Variants in POGZ observed in about 807,000 individuals in gnomAD.
POGZ encodes pogo transposable element derived with ZNF domain.
Under a neutral mutation model 134.6 loss-of-function variants are expected in POGZ, and 17 were observed. The ratio of observed to expected loss-of-function variants is 0.13; its 90% confidence interval spans 0.09 to 0.19. POGZ has a LOEUF of 0.19. Among genes scored for constraint, POGZ ranks in the 10% least tolerant of loss-of-function variants. The probability of loss-of-function intolerance (pLI) is 1.00; values close to 1 mark genes in which losing one functional copy is unlikely to be tolerated. For synonymous variants in POGZ, 693 were observed against 657.1 expected, an observed-to-expected ratio of 1.05 and a Z score of -0.84; for missense variants, 1,306 against 1,769.7, an observed-to-expected ratio of 0.74 and a Z score of 4.70.
intron 17 of POGZ, 83 bp downstream of exon 17, chr1:151,406,828 T>C (rs909249074): frequency 9.3e-7 from 1 of 1,080,496 alleles, no homozygotes; most frequent in Admixed American, 1.9e-5. Flanking sequence ...TGAGGCCAAG[T>C]AGGTATGCTC....
chr1:151,433,425 C>T lies in POGZ; in HGVS notation c.284-2584G>A, dbSNP rs569304847. Reference sequence around the variant, plus strand: ...GAGTTTGAGACCAGCCTGACCAACACGGAGAAATCCCGTCTCTACTAAAAA... The same window carrying T: ...GAGTTTGAGACCAGCCTGACCAACATGGAGAAATCCCGTCTCTACTAAAAA... On this transcript the variant is annotated intron_variant, in intron 3 of 18. Coordinates refer to ENST00000271715, the MANE Select transcript of POGZ (RefSeq NM_015100.4). Among the ~76,000 whole-genome samples, 43 of 151,714 alleles carry T rather than the reference C, an allele frequency of 2.8e-4. No individual in the cohort carries two copies. The South Asian group carries it at 6.7e-3, about 23-fold the overall frequency.
chr1:151,430,752 C>G lies in POGZ; in HGVS notation c.373G>C (p.Val125Leu). Residue 125 changes from valine to leucine, a missense_variant, in exon 4 of 19, where the codon GTA (valine) becomes CTA (leucine). Val to Leu is a conservative substitution (Grantham distance 32). Transcript: ENST00000271715. ...PGLGTMVTQP[V>L]LRPVQVMQNA... ...TGCATGACCTGAACAGGCCTCAATACTGGTTGAGTAACCATTGTGCCCAGA... is the reference window on the plus strand; with the variant it reads ...TGCATGACCTGAACAGGCCTCAATAGTGGTTGAGTAACCATTGTGCCCAGA... The G allele has an allele frequency of 6.2e-7, 1 of 1,605,986 alleles. No individual in the cohort carries two copies.
At chr1:151,407,963 G>GATCAT (rs1400872695) in intron 15 of POGZ, 137 bp downstream of exon 15, 1 of 633,072 alleles carries the variant, frequency 1.6e-6, no homozygotes, top group Non-Finnish European at 2.6e-6. Flanking sequence ...AGTGAGCCAA[G>GATCAT]ATCATGCTAT....
intron 10 of POGZ, among the ~76,000 whole-genome samples, chr1:151,419,003 T>C (rs1390242604): frequency 9.4e-6 from 1 of 106,922 alleles, no homozygotes; most frequent in Non-Finnish European, 1.7e-5. Flanking sequence ...CCAGCATGGG[T>C]GAAAGAATGA....
Position 151,407,314 on chromosome 1 carries a change from A to G in POGZ, c.2376-23T>C, listed in dbSNP as rs181897079. 1.1e-4 allele frequency: 167 copies of G among 1,574,366 alleles called. 1 individual carries two copies. The African/African-American group carries it at 2.1e-3, about 20-fold the overall frequency. On this transcript the variant is annotated intron_variant, in intron 15 of 18. Coordinates refer to ENST00000271715, the MANE Select transcript of POGZ (RefSeq NM_015100.4). ...TTGCTGAGAAAGACAAAGAAGTGGT[A>G]TGAGTTACGGAGTTCTGCTGGCTAA...
intron 3 of POGZ, among the ~76,000 whole-genome samples, chr1:151,431,703 T>C (rs924332356): frequency 2.0e-5 from 3 of 152,226 alleles, no homozygotes; most frequent in Admixed American, 6.5e-5. Flanking sequence ...ATTAATAAAC[T>C]GGGCTATTAT....
intron 1 of POGZ, among the ~76,000 whole-genome samples, chr1:151,445,009 C>T (rs1311527742): frequency 6.6e-6 from 1 of 152,014 alleles, no homozygotes; most frequent in Admixed American, 6.6e-5. Context: ...TGCCACTGCA[C>T]TCCAGCCTGA....
chr1:151,443,028 A>C (rs1035852340), intron 1 of POGZ, among the ~76,000 whole-genome samples: 24 of 152,074 alleles, frequency 1.6e-4, no homozygotes, highest in African/African-American at 5.6e-4. Context: ...TCCGTCTCAA[A>C]AACAACAACA....
rs199704112 is a variant in POGZ, at chr1:151,424,243, G to A, written c.1229C>T (p.Ser410Phe). Residue 410 changes from serine to phenylalanine, a missense_variant, in exon 9 of 19, where the codon TCC becomes TTC. Physicochemically the swap from Ser to Phe is radical, Grantham distance 155 (BLOSUM62 -2). Around this residue, in one of 10 missense-constraint regions of POGZ, gnomAD observed 541 missense variants for 680.5 expected, o/e 0.80. Transcript: ENST00000271715. ...TGGGACACTGGGTTCTGAATCCAGGGACTTTCCTTTCTTCTGGTATTCAAC... is the reference window on the plus strand; with the variant it reads ...TGGGACACTGGGTTCTGAATCCAGGAACTTTCCTTTCTTCTGGTATTCAAC... Reference protein sequence around the residue: ...EMVEYQKKGKSLDSEPSVPSA... With the variant: ...EMVEYQKKGKFLDSEPSVPSA... 1.9e-6 allele frequency: 3 copies of A among 1,609,234 alleles called. No individual in the cohort carries two copies. Among genetic ancestry groups the A allele is most frequent in the Non-Finnish European group, 2.5e-6 (3 of 1,177,700 alleles).
chr1:151,456,278 C>T (rs1346022522), intron 1 of POGZ, among the ~76,000 whole-genome samples: 2 of 152,110 alleles, frequency 1.3e-5, no homozygotes, highest in Non-Finnish European at 2.9e-5. Context: ...AGTCCTTAAC[C>T]ACTGATATCA....
At chr1:151,417,313 C>G (rs1200636253) in intron 10 of POGZ, among the ~76,000 whole-genome samples, 1 of 150,698 alleles carries the variant, frequency 6.6e-6, no homozygotes, top group Non-Finnish European at 1.5e-5. Flanking sequence ...CCACCCGCCT[C>G]GGCCTCCCAA....
In POGZ at chr1:151,418,400, GGAGA is replaced by G. The variant is rs567179112; in HGVS notation, c.1678+4993_1678+4996del. ...AGCTAAAAAAAAAAGTAGATCTCATGGAGAGAGAGTAGAATGGTGGTTACCAGAG... is the reference window on the plus strand; with the variant it reads ...AGCTAAAAAAAAAAGTAGATCTCATGGAGAGTAGAATGGTGGTTACCAGAG... On this transcript the variant is annotated intron_variant, in intron 10 of 18. Coordinates refer to ENST00000271715, the MANE Select transcript of POGZ (RefSeq NM_015100.4). Among the ~76,000 whole-genome samples the G allele has an allele frequency of 1.5e-4, 23 of 152,202 alleles. No individual in the cohort carries two copies. The South Asian group carries it at 4.4e-3, about 29-fold the overall frequency.
At chr1:151,412,225 T>C in intron 11 of POGZ, 71 bp downstream of exon 11, 1 of 791,890 alleles carries the variant, frequency 1.3e-6, no homozygotes. Flanking sequence ...GTCAACAATA[T>C]TCATTAGTAA....
intron 3 of POGZ, among the ~76,000 whole-genome samples, chr1:151,437,039 C>T (rs1659700953): frequency 6.6e-6 from 1 of 152,032 alleles, no homozygotes. Flanking sequence ...GCTAAAAATA[C>T]AAAAGTTAGC....
At position 151,404,930 on chromosome 1, in the gene POGZ, G is replaced by C; in HGVS notation, c.4105C>G (p.Pro1369Ala). The C allele has an allele frequency of 6.2e-7, 1 of 1,614,210 alleles. No individual in the cohort carries two copies. Among genetic ancestry groups the C allele is most frequent in the South Asian group, 1.1e-5 (1 of 91,084 alleles). The change falls in exon 19 of 19, where the codon CCA becomes GCA. Residue 1369 changes from proline to alanine, a missense_variant. Transcript: ENST00000271715. ...LSGEHSESST[P>A]RPRSSPEETI... ...TCTTCAGGAGATGATCTGGGTCGTG[G>C]AGTGGAAGACTCAGAATGTTCCCCA...
Position 151,424,139 on chromosome 1 carries a change from A to G in POGZ, c.1333T>C (p.Ser445Pro). The change falls in exon 9 of 19, where the codon TCA (serine) becomes CCA (proline). Residue 445 changes from serine (S) to proline (P), a missense_variant. Physicochemically the swap from Ser to Pro is moderately conservative, Grantham distance 74. This residue lies in a region of POGZ where 541 missense variants were observed against 680.5 expected (regional missense o/e 0.80). Transcript: ENST00000271715. ...GGTTCTGGTACTTTGGTAGGCGGTGACAGAGCAGGAATAGGTGTAGAAGAG... is the reference window on the plus strand; with the variant it reads ...GGTTCTGGTACTTTGGTAGGCGGTGGCAGAGCAGGAATAGGTGTAGAAGAG... The part of the protein sequence containing the change: ...TPSSTPIPAL[S>P]PPTKVPEPNE... The G allele has an allele frequency of 1.2e-6, 2 of 1,614,158 alleles. No individual in the cohort carries two copies. Among genetic ancestry groups the G allele is most frequent in the South Asian group, 1.1e-5 (1 of 91,082 alleles).
chr1:151,459,183 C>G lies in POGZ; in HGVS notation c.-33G>C, dbSNP rs1663213592. On this transcript the variant is annotated 5_prime_UTR_variant, in exon 1 of 19. Transcript: ENST00000271715. ...TGGTCGTCGCCGCCGGTAGTCTGAC[C>G]CGAGGAAGGCGCCGTCGCCTTAAAG... 1 of 151,588 alleles carries G rather than the reference C, an allele frequency of 6.6e-6. No individual in the cohort carries two copies. Among genetic ancestry groups the G allele is most frequent in the Non-Finnish European group, 1.5e-5 (1 of 67,768 alleles). 9.4% of individuals were successfully genotyped at this position (151,588 alleles called of 1,614,324 possible). A position where few individuals can be genotyped will look rare whatever the true frequency, so the allele number is the denominator to read the frequency against.
intron 3 of POGZ, among the ~76,000 whole-genome samples, chr1:151,435,494 T>C (rs1023009684): frequency 3.0e-5 from 3 of 99,218 alleles, no homozygotes; most frequent in Non-Finnish European, 8.3e-5. Flanking sequence ...TTCCTGATAC[T>C]TTCCTTTTTT....
At chr1:151,446,458 A>G (rs1397480414) in intron 1 of POGZ, among the ~76,000 whole-genome samples, 1 of 152,132 alleles carries the variant, frequency 6.6e-6, no homozygotes, top group African/African-American at 2.4e-5. Context: ...ATACAGTGCT[A>G]CATCAAGAGG....
Sources: gnomAD v4.1 joint callset for allele counts (sites outside exome capture counted in the v4.1 genomes callset) on GRCh38, gnomAD v4.1.1 for gene constraint, gnomAD v4.1.1 regional missense constraint, MANE v1.5 for transcripts, NCBI Gene and HGNC (gene_info 2026-07-23, HGNC 2026-07-21) for gene names.